The following PCDH11X variants were observed in gnomAD, a reference collection of about 807,000 sequenced individuals.
PCDH11X encodes the protein protocadherin-11 X-linked.
In PCDH11X, 18 loss-of-function variants were observed where a neutral mutation model predicts 53.3. That is an observed-to-expected ratio of 0.34 (90% confidence interval 0.23 to 0.50). The LOEUF (loss-of-function observed/expected upper bound fraction) is 0.50. Ranked by LOEUF, PCDH11X falls within the 20% of genes least tolerant of loss-of-function variation. PCDH11X has a pLI of 0.98. For missense variants in PCDH11X, 570 were observed against 1,032.4 expected, an observed-to-expected ratio of 0.55 and a Z score of 6.14; for synonymous variants, 279 against 393.3, an observed-to-expected ratio of 0.71 and a Z score of 3.44.
chrX:92,094,131 ATATG>A (rs1228815750), intron 6 of PCDH11X, among the ~76,000 whole-genome samples: 1 of 55,544 alleles, frequency 1.8e-5, no homozygotes, highest in African/African-American at 8.8e-5. Flanking sequence ...CAAAAAAGTA[ATATG>A]TGTGTGTGTG....
At chrX:91,949,679 T>C (rs1480985066) in intron 6 of PCDH11X, among the ~76,000 whole-genome samples, 1 of 110,979 alleles carries the variant, frequency 9.0e-6, no homozygotes, top group Non-Finnish European at 1.9e-5. Context: ...TCTTTAAAAT[T>C]CATTCCAGAC....
chrX:91,937,886 G>A (rs1016601612), intron 6 of PCDH11X, among the ~76,000 whole-genome samples: 1 of 110,791 alleles, frequency 9.0e-6, no homozygotes, highest in Non-Finnish European at 1.9e-5. Flanking sequence ...GTGCCTATTT[G>A]TCTAATTAGG....
chrX:91,960,209 C>T (rs1242624236), intron 6 of PCDH11X, among the ~76,000 whole-genome samples: 1 of 103,373 alleles, frequency 9.7e-6, no homozygotes, highest in Non-Finnish European at 2.0e-5. Context: ...CATTTTCTTT[C>T]ATTCTTTAGG....
At position 92,618,929 on chromosome X, in the gene PCDH11X, C is replaced by T; in HGVS notation, c.4033C>T (p.His1345Tyr). Reference sequence around the variant, plus strand: ...AGGTGATTCCCCCATTATGGAAGAACATCCCTTGTAAAGCTAAAATAGTTA... The same window carrying T: ...AGGTGATTCCCCCATTATGGAAGAATATCCCTTGTAAAGCTAAAATAGTTA... ...SRGDSPIMEE[H>Y]PL The change falls in exon 11 of 11, where the codon CAT becomes TAT. Residue 1345 changes from histidine to tyrosine, a missense_variant. Coordinates refer to ENST00000682573, the MANE Select transcript of PCDH11X (RefSeq NM_032968.5). The T allele has an allele frequency of 8.3e-7, 1 of 1,211,877 alleles. No individual in the cohort carries two copies. The highest frequency in any genetic ancestry group is 1.1e-6 in the Non-Finnish European group (1 of 895,440).
intron 8 of PCDH11X, among the ~76,000 whole-genome samples, chrX:92,268,747 T>C (rs896421630): frequency 3.6e-5 from 4 of 111,572 alleles, no homozygotes; most frequent in African/African-American, 1.3e-4. Context: ...GCAAAAAATA[T>C]CAGATAATGT....
At chrX:92,256,559 C>CT (rs1323964454) in intron 7 of PCDH11X, among the ~76,000 whole-genome samples, 1 of 111,370 alleles carries the variant, frequency 9.0e-6, no homozygotes. Context: ...TTTTCCCCAA[C>CT]TTTTATTTTA....
chrX:92,162,481 C>T (rs1305547751), intron 6 of PCDH11X, among the ~76,000 whole-genome samples: 7 of 111,473 alleles, frequency 6.3e-5, no homozygotes, highest in Non-Finnish European at 9.4e-5. Context: ...TGTGAGCCAC[C>T]GCTCCTGGAC....
At chrX:92,579,264 C>T (rs771431054) in intron 10 of PCDH11X, among the ~76,000 whole-genome samples, 83 of 109,461 alleles carry the variant, frequency 7.6e-4, no homozygotes, top group Non-Finnish European at 8.5e-4. Context: ...TGGGGTTCTC[C>T]GGATTTCCTG....
intron 6 of PCDH11X, among the ~76,000 whole-genome samples, chrX:91,963,802 A>C (rs1364913391): frequency 9.0e-6 from 1 of 110,919 alleles, no homozygotes; most frequent in Non-Finnish European, 1.9e-5. Flanking sequence ...AGCCTCAGGA[A>C]ACTTACAATC....
At chrX:92,438,103 A>G (rs895314345) in intron 9 of PCDH11X, among the ~76,000 whole-genome samples, 1 of 111,692 alleles carries the variant, frequency 9.0e-6, no homozygotes, top group African/African-American at 3.2e-5. Context: ...TGTTGTAAGT[A>G]AATTGAGAGT....
At chrX:91,823,564 G>T (rs749179803) in intron 4 of PCDH11X, among the ~76,000 whole-genome samples, 20 of 111,257 alleles carry the variant, frequency 1.8e-4, no homozygotes, top group Admixed American at 4.8e-4. Flanking sequence ...GAGCCTATGT[G>T]TGTCTCTGCA....
rs745711629 is a variant in PCDH11X at position 92,609,967 on chromosome X, G to A, written c.3368-8297G>A. 8.9e-5 allele frequency among the ~76,000 whole-genome samples: 10 copies of A among 111,783 alleles called. No homozygotes were observed. The East Asian group carries it at 2.0e-3, about 22-fold the overall frequency. Reference sequence around the variant, plus strand: ...ACTGCGTATATCCTATGGTATATGCGTGCTATATATAAGAAATCCAATCCA... The same window carrying A: ...ACTGCGTATATCCTATGGTATATGCATGCTATATATAAGAAATCCAATCCA... On this transcript the variant is annotated intron_variant, in intron 10 of 10. Transcript: ENST00000682573.
intron 5 of PCDH11X, 124 bp from the exon 6 acceptor site, chrX:91,876,657 A>G (rs1939630076): frequency 1.3e-6 from 1 of 794,191 alleles, no homozygotes; most frequent in African/African-American, 2.2e-5. Context: ...GGCTTCAAGA[A>G]ACTGAAAATT....
intron 10 of PCDH11X, among the ~76,000 whole-genome samples, chrX:92,592,920 TTC>T (rs1181277539): frequency 8.9e-6 from 1 of 111,880 alleles, no homozygotes; most frequent in Admixed American, 9.5e-5. Flanking sequence ...TCTGTCTTGA[TTC>T]TCTGTTTCTG....
At chrX:91,824,051 G>A (rs1936808324) in intron 4 of PCDH11X, among the ~76,000 whole-genome samples, 2 of 111,598 alleles carry the variant, frequency 1.8e-5, no homozygotes, top group Admixed American at 1.9e-4. Flanking sequence ...TCCGCTGTTA[G>A]TCTGATGGGC....
Position 92,148,053 on chromosome X carries a change from CCTTCCTTTCTTTCTTT to C in PCDH11X, c.3034-53318_3034-53303del, listed in dbSNP as rs1320497679. Among the ~76,000 whole-genome samples the C allele has an allele frequency of 1.9e-3, 93 of 49,231 alleles. 1 individual carries two copies. Among genetic ancestry groups the C allele is most frequent in the African/African-American group, 9.4e-3 (63 of 6,729 alleles). The allele number at this position is 49,231 out of a possible 115,157, so 42.8% of individuals were successfully genotyped here. A position where few individuals can be genotyped will look rare whatever the true frequency, so the allele number is the denominator to read the frequency against. ...CTTTCCTTCTTTCCCTTCCTTCCTT[CCTTCCTTTCTTTCTTT>C]CTTTCTTTCTTTCTTTCTTTCTTTC... On this transcript the variant is annotated intron_variant, in intron 6 of 10. Coordinates refer to ENST00000682573, the MANE Select transcript of PCDH11X (RefSeq NM_032968.5).
intron 5 of PCDH11X, among the ~76,000 whole-genome samples, chrX:91,870,184 T>C (rs187436504): frequency 0.011 from 1,173 of 111,469 alleles, 17 homozygotes; most frequent in African/African-American, 0.036. Context: ...TTCAATTAAA[T>C]CTCCTTTGTT....
intron 8 of PCDH11X, among the ~76,000 whole-genome samples, chrX:92,360,077 G>T (rs976310293): frequency 6.1e-4 from 68 of 110,711 alleles, no homozygotes; most frequent in African/African-American, 2.2e-3. Flanking sequence ...GAATATAAAA[G>T]ATCTGAAGTG....
chrX:92,609,078 G>A (rs769936790), intron 10 of PCDH11X, among the ~76,000 whole-genome samples: 1 of 111,379 alleles, frequency 9.0e-6, no homozygotes, highest in African/African-American at 3.3e-5. Flanking sequence ...GAATCAATAT[G>A]CTTCTTTTTA....
Sources: allele counts gnomAD v4.1 joint callset (sites outside exome capture counted in the v4.1 genomes callset), GRCh38; gene constraint gnomAD v4.1.1; transcripts MANE v1.5; gene names NCBI Gene and HGNC (gene_info 2026-07-23, HGNC 2026-07-21).